Variants in SPMIP11 observed in about 807,000 individuals in gnomAD.
SPMIP11 encodes sperm microtubule inner protein 11.
At chr12:48,768,484 G>T in the SPMIP11 span, 1 of 1,516,914 alleles carries the variant, frequency 6.6e-7, no homozygotes. Flanking sequence ...TTTGTGGTTA[G>T]CAGGGTCTGG....
the SPMIP11 span, among the ~76,000 whole-genome samples, chr12:48,732,585 C>T: frequency 3.3e-5 from 5 of 151,616 alleles, no homozygotes; most frequent in East Asian, 9.7e-4. Flanking sequence ...TCCTGGCCAA[C>T]ATGGTGAAAC....
At chr12:48,744,481 C>A in the SPMIP11 span, among the ~76,000 whole-genome samples, 1 of 152,100 alleles carries the variant, frequency 6.6e-6, no homozygotes, top group Non-Finnish European at 1.5e-5. Flanking sequence ...TGCCTGTAAT[C>A]CTGGCACTTT....
At chr12:48,764,381 A>C in the SPMIP11 span, among the ~76,000 whole-genome samples, 2 of 152,246 alleles carry the variant, frequency 1.3e-5, no homozygotes, top group South Asian at 4.1e-4. Flanking sequence ...TAGGCACTAG[A>C]TAAATTACAT....
the SPMIP11 span, among the ~76,000 whole-genome samples, chr12:48,735,171 C>A: frequency 3.9e-5 from 6 of 152,076 alleles, no homozygotes; most frequent in East Asian, 1.9e-4. Flanking sequence ...CCTGAATGAG[C>A]CTGGAAGTAG....
chr12:48,739,454 A>T, the SPMIP11 span, among the ~76,000 whole-genome samples: 1 of 152,236 alleles, frequency 6.6e-6, no homozygotes, highest in Non-Finnish European at 1.5e-5. Context: ...TTTCTGTCCT[A>T]TACCTGTGCC....
At chr12:48,768,095 C>A in the SPMIP11 span, 1 of 190,928 alleles carries the variant, frequency 5.2e-6, no homozygotes, top group African/African-American at 2.4e-5. Flanking sequence ...TGCCCAGGAC[C>A]AGTGCTGGGG....
At chr12:48,768,750 G>A in the SPMIP11 span, 2 of 1,608,940 alleles carry the variant, frequency 1.2e-6, no homozygotes, top group African/African-American at 2.7e-5. Context: ...GCTTAGCCTG[G>A]AATCCTTCCT....
chr12:48,744,025 G>A, the SPMIP11 span, among the ~76,000 whole-genome samples: 2 of 148,528 alleles, frequency 1.3e-5, no homozygotes, highest in Non-Finnish European at 3.0e-5. Flanking sequence ...AGGCAGTGCC[G>A]ATCACCTGAG....
At chr12:48,744,024 C>T in the SPMIP11 span, among the ~76,000 whole-genome samples, 12 of 150,004 alleles carry the variant, frequency 8.0e-5, no homozygotes, top group Admixed American at 8.0e-4. Flanking sequence ...GAGGCAGTGC[C>T]GATCACCTGA....
At chr12:48,731,389 G>A in the SPMIP11 span, among the ~76,000 whole-genome samples, 1 of 152,102 alleles carries the variant, frequency 6.6e-6, no homozygotes, top group Non-Finnish European at 1.5e-5. Context: ...TGCTGGGGAG[G>A]CTGAGGCAGG....
chr12:48,768,305 G>A, the SPMIP11 span: 25 of 494,446 alleles, frequency 5.1e-5, no homozygotes, highest in Admixed American at 8.1e-4. Context: ...CTCTGCTTCT[G>A]CTACTGACCC....
the SPMIP11 span, among the ~76,000 whole-genome samples, chr12:48,745,624 G>C: frequency 6.6e-6 from 1 of 152,314 alleles, no homozygotes; most frequent in Admixed American, 6.5e-5. Flanking sequence ...AGATGAATTA[G>C]AGAGTTCAAT....
chr12:48,759,086 A>G, the SPMIP11 span: 9 of 608,692 alleles, frequency 1.5e-5, no homozygotes, highest in Non-Finnish European at 2.1e-5. Context: ...TGAGGTCCTG[A>G]AAATTGGATG....
the SPMIP11 span, among the ~76,000 whole-genome samples, chr12:48,756,823 C>T: frequency 6.9e-6 from 1 of 145,660 alleles, no homozygotes; most frequent in African/African-American, 2.6e-5. Flanking sequence ...GTCTCCCAGG[C>T]TGGAGTGTAG....
chr12:48,746,067 T>C, the SPMIP11 span, among the ~76,000 whole-genome samples: 1 of 152,156 alleles, frequency 6.6e-6, no homozygotes, highest in Non-Finnish European at 1.5e-5. Flanking sequence ...CAACAGTGAT[T>C]AACACAGACA....
the SPMIP11 span, chr12:48,767,723 GA>G: frequency 6.5e-6 from 1 of 152,796 alleles, no homozygotes; most frequent in South Asian, 2.1e-4. Context: ...AGAGTGACCT[GA>G]TCTGGACCCC....
chr12:48,768,632 C>T, the SPMIP11 span: 2 of 1,614,120 alleles, frequency 1.2e-6, no homozygotes, highest in Non-Finnish European at 8.5e-7. Flanking sequence ...GTGGTCATCT[C>T]CCCCTTGCCC....
chr12:48,771,423 CCTT>C, the SPMIP11 span: 7 of 552,536 alleles, frequency 1.3e-5, no homozygotes, highest in East Asian at 2.2e-4. This position sits in a 1 kb window ranked among gnomAD's most constrained non-coding sequence, Gnocchi z 4.3. Flanking sequence ...CAGACTATTG[CCTT>C]CTTCTTCAGT....
the SPMIP11 span, among the ~76,000 whole-genome samples, chr12:48,752,951 C>T: frequency 6.6e-6 from 1 of 152,226 alleles, no homozygotes; most frequent in African/African-American, 2.4e-5. Context: ...GGATTACAGG[C>T]ATAAGCCACT....
Sources: allele counts gnomAD v4.1 joint callset (sites outside exome capture counted in the v4.1 genomes callset), GRCh38; gene constraint gnomAD v4.1.1; non-coding constraint Gnocchi (gnomAD v3.1); transcripts MANE v1.5; gene names NCBI Gene and HGNC (gene_info 2026-07-23, HGNC 2026-07-21).